MLIP: variants seen among roughly 807,000 people sequenced by gnomAD.
MLIP encodes the protein muscular LMNA-interacting protein.
In MLIP, 79 loss-of-function variants were observed where a neutral mutation model predicts 84.8. The observed-to-expected ratio is 0.93, with a 90% CI of 0.78 to 1.12. The LOEUF (loss-of-function observed/expected upper bound fraction) is 1.12. Ranked by LOEUF, MLIP falls within the 50% of genes most tolerant of loss-of-function variation. The pLI is 0.00. For synonymous variants in MLIP, 504 were observed against 463.0 expected, an observed-to-expected ratio of 1.09 and a Z score of -1.14; for missense variants, 1,257 against 1,160.6, an observed-to-expected ratio of 1.08 and a Z score of -1.21.
rs146156662 is a variant in MLIP at position 54,026,288 on chromosome 6, A to G, written c.63+7197A>G. Among the ~76,000 whole-genome samples the G allele has an allele frequency of 4.4e-3, 665 of 152,360 alleles. 4 individuals are homozygous for G. The highest frequency in any genetic ancestry group is 0.014 in the Middle Eastern group (4 of 294). On this transcript the variant is annotated intron_variant, in intron 1 of 12. Coordinates refer to the MLIP transcript ENST00000274897. ...CAAATAACTGAGACAACCCTTAAGCATTATGAGTAATTAAAAAATTCTGGT... is the reference window on the plus strand; with the variant it reads ...CAAATAACTGAGACAACCCTTAAGCGTTATGAGTAATTAAAAAATTCTGGT...
At chr6:54,210,743 A>AAAG (rs983215423) in intron 11 of MLIP, among the ~76,000 whole-genome samples, 18 of 151,814 alleles carry the variant, frequency 1.2e-4, no homozygotes, top group Non-Finnish European at 2.4e-4. Flanking sequence ...AAAAAAAAAA[A>AAAG]AAATGTTCTA....
intron 1 of MLIP, among the ~76,000 whole-genome samples, chr6:54,118,452 T>C (rs1770148263): frequency 6.6e-6 from 1 of 152,222 alleles, no homozygotes; most frequent in African/African-American, 2.4e-5. Context: ...CAATAAGTGG[T>C]ATTGGGAAAA....
intron 12 of MLIP, among the ~76,000 whole-genome samples, chr6:54,234,752 A>G (rs1781251386): frequency 6.6e-6 from 1 of 152,064 alleles, no homozygotes; most frequent in Admixed American, 6.5e-5. Context: ...TTCCTCTTGC[A>G]TTTCTCTCCT....
At chr6:54,145,470 G>A (rs557976760) in intron 4 of MLIP, among the ~76,000 whole-genome samples, 3 of 151,842 alleles carry the variant, frequency 2.0e-5, no homozygotes, top group Non-Finnish European at 4.4e-5. Context: ...CATGTAGTAG[G>A]TACTCAATAA....
rs118182673 is a variant in MLIP, at chr6:54,202,852, T to A, written c.2718+619T>A. ...GGTTGAGGCTCCAGTGAGCAAGTAA[T>A]CATGCCACTGCACTCCAGCCTGGGT... On this transcript the variant is annotated intron_variant, in intron 11 of 13. Transcript: ENST00000502396. Among the ~76,000 whole-genome samples the A allele has an allele frequency of 2.8e-3, 431 of 152,320 alleles. 7 individuals are homozygous for A. Among genetic ancestry groups the A allele is most frequent in the South Asian group, 0.022 (105 of 4,828 alleles).
At chr6:54,242,512 C>T (rs2150840604) in intron 12 of MLIP, among the ~76,000 whole-genome samples, 2 of 152,088 alleles carry the variant, frequency 1.3e-5, no homozygotes, top group South Asian at 4.2e-4. Flanking sequence ...GGTAGCTCCT[C>T]TGAAATATTT....
chr6:54,249,229 G>A (rs966365049), intron 12 of MLIP, among the ~76,000 whole-genome samples: 1 of 151,902 alleles, frequency 6.6e-6, no homozygotes, highest in African/African-American at 2.4e-5. Flanking sequence ...TCTATTTAGG[G>A]CCCAGACTTT....
At chr6:54,252,565 A>G (rs564591730) in intron 12 of MLIP, among the ~76,000 whole-genome samples, 6 of 147,232 alleles carry the variant, frequency 4.1e-5, no homozygotes, top group Non-Finnish European at 6.0e-5. Context: ...ATAACATATT[A>G]TCATGATATG....
At chr6:54,176,368 G>A (rs149205252) in intron 9 of MLIP, among the ~76,000 whole-genome samples, 8 of 151,570 alleles carry the variant, frequency 5.3e-5, no homozygotes, top group East Asian at 1.9e-4. Context: ...ACTGGGTCCC[G>A]GGCTTTGCTT....
chr6:54,125,752 A>G (rs1770871091), intron 3 of MLIP, among the ~76,000 whole-genome samples: 1 of 152,176 alleles, frequency 6.6e-6, no homozygotes, highest in African/African-American at 2.4e-5. Flanking sequence ...TGTCCCATTT[A>G]GGATCTAATA....
At chr6:54,236,643 A>G (rs1781383877) in intron 12 of MLIP, among the ~76,000 whole-genome samples, 1 of 151,184 alleles carries the variant, frequency 6.6e-6, no homozygotes, top group Admixed American at 6.6e-5. Flanking sequence ...TCTCTCTGGT[A>G]TCATGTTTTT....
chr6:54,055,095 G>GC lies in MLIP; in HGVS notation c.63+36005dup, dbSNP rs1765583369. On this transcript the variant is annotated intron_variant, in intron 1 of 12. Coordinates refer to the MLIP transcript ENST00000274897. ...GTAGAGACGGGGTTTCACTGTGTTA[G>GC]CAGGATGGTCTTGATCTCCTGACCT... is the stretch of plus-strand genomic sequence containing the variant. Among the ~76,000 whole-genome samples the GC allele has an allele frequency of 2.6e-5, 4 of 152,178 alleles. No individual in the cohort carries two copies. The South Asian group carries it at 6.2e-4, about 24-fold the overall frequency.
intron 1 of MLIP, among the ~76,000 whole-genome samples, chr6:54,071,270 T>C (rs1434833331): frequency 1.3e-5 from 2 of 152,198 alleles, no homozygotes; most frequent in South Asian, 4.1e-4. Flanking sequence ...TATATTTTAA[T>C]GAACATGACA....
chr6:54,107,794 G>A (rs1005486175), upstream of MLIP, among the ~76,000 whole-genome samples: 3 of 152,132 alleles, frequency 2.0e-5, no homozygotes, highest in African/African-American at 7.2e-5. Flanking sequence ...GCTTAGAATC[G>A]TGACTGGCAC....
intron 1 of MLIP, among the ~76,000 whole-genome samples, chr6:54,100,362 C>T (rs1033027176): frequency 6.6e-6 from 1 of 151,922 alleles, no homozygotes; most frequent in Non-Finnish European, 1.5e-5. Flanking sequence ...ATACAAAATA[C>T]CTTTATATAA....
chr6:54,076,471 A>G (rs1766810233), intron 1 of MLIP, among the ~76,000 whole-genome samples: 1 of 152,226 alleles, frequency 6.6e-6, no homozygotes, highest in Admixed American at 6.5e-5. Context: ...TATAATTTGG[A>G]AAGACTACTG....
intron 9 of MLIP, 90 bp downstream of exon 9, chr6:54,169,662 G>T (rs1775571841): frequency 1.3e-6 from 1 of 773,800 alleles, no homozygotes; most frequent in Non-Finnish European, 1.9e-6. Flanking sequence ...AATTTAAATA[G>T]AATTAATTGT....
chr6:54,248,443 G>A (rs1028050901), intron 12 of MLIP, among the ~76,000 whole-genome samples: 3 of 152,128 alleles, frequency 2.0e-5, no homozygotes, highest in African/African-American at 7.2e-5. Flanking sequence ...TATAACCTGG[G>A]AGCTGTGCAC....
At chr6:54,048,021 G>GTGC (rs1765166474) in intron 1 of MLIP, among the ~76,000 whole-genome samples, 1 of 152,192 alleles carries the variant, frequency 6.6e-6, no homozygotes, top group Non-Finnish European at 1.5e-5. Flanking sequence ...AGGGGGAGCA[G>GTGC]TGCATAGGAC....
Sources: gnomAD v4.1 joint callset for allele counts (sites outside exome capture counted in the v4.1 genomes callset) on GRCh38, gnomAD v4.1.1 for gene constraint, MANE v1.5 for transcripts, NCBI Gene and HGNC (gene_info 2026-07-23, HGNC 2026-07-21) for gene names.